The following TSGA10 variants were observed in gnomAD, a reference collection of about 807,000 sequenced individuals.
TSGA10 encodes testis-specific gene 10 protein.
Under a neutral mutation model 96.6 loss-of-function variants are expected in TSGA10, and 43 were observed. That is an observed-to-expected ratio of 0.44 (90% CI 0.35 to 0.57). The LOEUF (loss-of-function observed/expected upper bound fraction) is 0.57, where lower values mean the gene tolerates loss of function less well. Among genes scored for constraint, TSGA10 ranks in the 20% least tolerant of loss-of-function variants. The probability of loss-of-function intolerance (pLI) is 0.01; values close to 1 mark genes in which losing one functional copy is unlikely to be tolerated. For synonymous variants in TSGA10, 229 were observed against 269.9 expected (o/e 0.85, Z 1.48); for missense variants, 703 against 834.4 (o/e 0.84, Z 1.94).
chr2:99,041,867 T>C (rs537718302), intron 16 of TSGA10, among the ~76,000 whole-genome samples: 3 of 152,118 alleles, frequency 2.0e-5, no homozygotes, highest in Non-Finnish European at 2.9e-5. Context: ...AAAGAAATAA[T>C]CATCAGAGTA....
intron 1 of TSGA10, chr2:99,140,980 G>A (rs1302075207): frequency 1.2e-6 from 1 of 862,190 alleles, no homozygotes; most frequent in Non-Finnish European, 1.5e-6. Context: ...CGCCCGCCAC[G>A]GCCCCGCACC....
At chr2:99,070,317 T>C (rs1211739487) in intron 14 of TSGA10, among the ~76,000 whole-genome samples, 1 of 152,128 alleles carries the variant, frequency 6.6e-6, no homozygotes, top group East Asian at 1.9e-4. Flanking sequence ...TCAGAGAAGT[T>C]GGTTTATATG....
chr2:99,143,074 T>G (rs984567477), intron 1 of TSGA10, among the ~76,000 whole-genome samples: 1 of 151,458 alleles, frequency 6.6e-6, no homozygotes, highest in Non-Finnish European at 1.5e-5. Flanking sequence ...AAGTAAAAAT[T>G]TCCTTCCCTC....
At chr2:99,003,015 T>C (rs1385004909) in intron 20 of TSGA10, among the ~76,000 whole-genome samples, 2 of 152,088 alleles carry the variant, frequency 1.3e-5, no homozygotes, top group African/African-American at 4.8e-5. Flanking sequence ...AGTGCCACCA[T>C]GCCCGGCTAA....
At chr2:99,106,038 G>A (rs138223011) in intron 7 of TSGA10, among the ~76,000 whole-genome samples, 7 of 152,166 alleles carry the variant, frequency 4.6e-5, no homozygotes, top group East Asian at 3.9e-4. Flanking sequence ...ACAGACTACC[G>A]GTTTAATGAA....
chr2:99,038,818 G>A (rs765275801), intron 16 of TSGA10, among the ~76,000 whole-genome samples: 12 of 151,922 alleles, frequency 7.9e-5, no homozygotes, highest in Non-Finnish European at 1.5e-4. Context: ...ACATTCTACC[G>A]AACAATTGCA....
chr2:99,041,344 A>G (rs1280816841), intron 16 of TSGA10, among the ~76,000 whole-genome samples: 1 of 152,216 alleles, frequency 6.6e-6, no homozygotes, highest in Non-Finnish European at 1.5e-5. Flanking sequence ...TCTTTGCGAC[A>G]CCAGGGAACA....
chr2:99,135,045 T>C (rs577697306), intron 1 of TSGA10, among the ~76,000 whole-genome samples: 2 of 152,282 alleles, frequency 1.3e-5, no homozygotes, highest in Non-Finnish European at 2.9e-5. Context: ...TGCTGGGAGA[T>C]GTCTCCCAGT....
intron 16 of TSGA10, among the ~76,000 whole-genome samples, chr2:99,062,532 TC>T (rs907741651): frequency 1.3e-5 from 2 of 152,116 alleles, no homozygotes; most frequent in African/African-American, 4.8e-5. Context: ...GGCCAGGAGA[TC>T]AAGACCAGCT....
At chr2:99,015,191 T>C (rs1348424997) in intron 20 of TSGA10, among the ~76,000 whole-genome samples, 1 of 151,942 alleles carries the variant, frequency 6.6e-6, no homozygotes, top group East Asian at 1.9e-4. Context: ...TAACAAAAAG[T>C]GAAAACTATA....
chr2:99,120,730 A>G (rs114060982), intron 2 of TSGA10, among the ~76,000 whole-genome samples: 2,263 of 152,248 alleles, frequency 0.015, 73 homozygotes, highest in African/African-American at 0.051. Context: ...CACCATGTGC[A>G]TGGTGTTCTA....
At chr2:99,015,907 C>G (rs1429973551) in intron 20 of TSGA10, among the ~76,000 whole-genome samples, 1 of 151,784 alleles carries the variant, frequency 6.6e-6, no homozygotes, top group Non-Finnish European at 1.5e-5. Flanking sequence ...CAGCAAAAAA[C>G]AAACAAACAA....
chr2:99,034,269 G>T (rs1368247607), intron 17 of TSGA10, among the ~76,000 whole-genome samples: 2 of 151,964 alleles, frequency 1.3e-5, no homozygotes. Context: ...AGGTGTGGTG[G>T]CGGGCACCTG....
At chr2:99,135,725 T>C (rs541953471) in intron 1 of TSGA10, among the ~76,000 whole-genome samples, 1 of 152,166 alleles carries the variant, frequency 6.6e-6, no homozygotes, top group Non-Finnish European at 1.5e-5. Flanking sequence ...AGTATCTGCA[T>C]TGGCTGGGTG....
intron 20 of TSGA10, among the ~76,000 whole-genome samples, chr2:99,012,584 A>T (rs2079093963): frequency 6.6e-6 from 1 of 152,196 alleles, no homozygotes; most frequent in Admixed American, 6.5e-5. Flanking sequence ...AAAGAAAAAG[A>T]GGGACATTAT....
chr2:99,042,524 G>T (rs570467331), intron 16 of TSGA10, among the ~76,000 whole-genome samples: 5 of 152,292 alleles, frequency 3.3e-5, no homozygotes, highest in African/African-American at 9.6e-5. Context: ...ATGGCTTGAA[G>T]CTGGGTACTG....
At position 99,113,238 on chromosome 2, in the gene TSGA10, G is replaced by A. The variant is rs539023735; in HGVS notation, c.-139-2323C>T. 3.9e-5 allele frequency among the ~76,000 whole-genome samples: 6 copies of A among 152,194 alleles called. No individual in the cohort carries two copies. In the South Asian group the frequency reaches 1.2e-3, roughly 32 times the overall value. On this transcript the variant is annotated intron_variant, in intron 4 of 20. Coordinates refer to ENST00000393483, the MANE Select transcript of TSGA10 (RefSeq NM_025244.4). The stretch of plus-strand genomic sequence containing the variant: ...GCTGGAGCTTAATTTCCCTCCCCTA[G>A]AGTGTGGGTTATACTTAGTGACTCA...
intron 14 of TSGA10, 23 bp from the exon 15 acceptor site, chr2:99,069,021 T>C (rs2085610596): frequency 1.5e-6 from 2 of 1,293,634 alleles, no homozygotes; most frequent in Non-Finnish European, 2.1e-6. Flanking sequence ...GATAGGTATA[T>C]TTGACTATGA....
At chr2:99,146,848 C>T (rs1251834674) in intron 1 of TSGA10, among the ~76,000 whole-genome samples, 1 of 152,164 alleles carries the variant, frequency 6.6e-6, no homozygotes, top group Non-Finnish European at 1.5e-5. Flanking sequence ...AGGCTGGTCT[C>T]GAACTCCTGA....
Sources: allele counts gnomAD v4.1 joint callset (sites outside exome capture counted in the v4.1 genomes callset), GRCh38; gene constraint gnomAD v4.1.1; transcripts MANE v1.5; gene names NCBI Gene and HGNC (gene_info 2026-07-23, HGNC 2026-07-21).